The following NCALD variants were observed in gnomAD, a reference collection of about 807,000 sequenced individuals.
NCALD encodes the protein neurocalcin delta, also known as neurocalcin-delta.
In NCALD, 10 loss-of-function variants were observed where a neutral mutation model predicts 18.6. That is an observed-to-expected ratio of 0.54 (90% CI 0.33 to 0.91). The LOEUF (loss-of-function observed/expected upper bound fraction) is 0.91. Among genes scored for constraint, NCALD ranks in the 40% least tolerant of loss-of-function variants. The pLI is 0.03. For synonymous variants in NCALD, 88 were observed against 87.4 expected (o/e 1.01, Z -0.04); for missense variants, 184 against 247.6 (o/e 0.74, Z 1.72).
At position 101,838,582 on chromosome 8, in the gene NCALD, A is replaced by G. The variant is rs1441379806; in HGVS notation, c.-20+48559T>C. Among the ~76,000 whole-genome samples the G allele has an allele frequency of 5.3e-5, 8 of 152,244 alleles. No individual in the cohort carries two copies. The South Asian group carries it at 6.2e-4, about 12-fold the overall frequency. On this transcript the variant is annotated intron_variant, in intron 4 of 6. Transcript: ENST00000311028. ...AGAAACAGAAAACAGGGGTTTTCTA[A>G]GAAGTTCACAGTAAATAATCTGAAA...
At position 101,819,006 on chromosome 8, in the gene NCALD, A is replaced by AAAAT. The variant is rs543728327; in HGVS notation, c.-20+68131_-20+68134dup. On this transcript the variant is annotated intron_variant, in intron 4 of 6. Transcript: ENST00000311028. ...GCAACAGAGTGAGACTCCATCTCAA[A>AAAAT]AAATAAATAAATAAATAAAAATAAG... is the stretch of plus-strand genomic sequence containing the variant. Among the ~76,000 whole-genome samples the AAAAT allele has an allele frequency of 6.1e-3, 934 of 152,228 alleles. 11 individuals carry two copies. Among genetic ancestry groups the AAAAT allele is most frequent in the African/African-American group, 0.018 (761 of 41,528 alleles).
At chr8:102,082,940 C>T (rs1824601437) in intron 1 of NCALD, among the ~76,000 whole-genome samples, 1 of 152,212 alleles carries the variant, frequency 6.6e-6, no homozygotes, top group South Asian at 2.1e-4. Flanking sequence ...AATAATGCAA[C>T]AGAGAGCTCA....
At chr8:101,948,143 T>C (rs541292375) in intron 2 of NCALD, among the ~76,000 whole-genome samples, 7 of 152,344 alleles carry the variant, frequency 4.6e-5, no homozygotes, top group African/African-American at 1.2e-4. Context: ...CAATGTGAGA[T>C]AACTACTGAG....
intron 4 of NCALD, among the ~76,000 whole-genome samples, chr8:101,854,378 A>C (rs766380585): frequency 1.3e-5 from 2 of 152,146 alleles, no homozygotes; most frequent in Non-Finnish European, 2.9e-5. Context: ...TTGCAACCTA[A>C]GACAGCAAAC....
intron 4 of NCALD, among the ~76,000 whole-genome samples, chr8:101,808,922 A>G (rs1282055462): frequency 1.3e-5 from 2 of 152,092 alleles, no homozygotes; most frequent in African/African-American, 4.8e-5. Context: ...AGAGAGGGAG[A>G]GACATAAAGA....
intron 2 of NCALD, among the ~76,000 whole-genome samples, chr8:101,697,228 T>C (rs1815038942): frequency 6.6e-6 from 1 of 151,936 alleles, no homozygotes; most frequent in Non-Finnish European, 1.5e-5. Context: ...ACATACACCC[T>C]CCCAAGACTA....
chr8:101,975,748 G>A (rs1175630915), intron 2 of NCALD, among the ~76,000 whole-genome samples: 2 of 152,182 alleles, frequency 1.3e-5, no homozygotes, highest in Non-Finnish European at 1.5e-5. Flanking sequence ...ATTTTAATAT[G>A]GGATTTTCAC....
rs190638972 is a variant in NCALD at position 101,697,122 on chromosome 8, G to A, written c.379-4226C>T. Among the ~76,000 whole-genome samples the A allele has an allele frequency of 8.1e-4, 123 of 151,756 alleles. No homozygotes were observed. The Middle Eastern group carries it at 0.021, about 26-fold the overall frequency. On this transcript the variant is annotated intron_variant, in intron 2 of 3. Transcript: ENST00000220931. ...AAATGATAAAGGGTATATCACCACC[G>A]ACACCACAGAAATATAAACTATCAT... is the stretch of plus-strand genomic sequence containing the variant.
chr8:101,768,175 G>T (rs946022434), intron 1 of NCALD, among the ~76,000 whole-genome samples: 4 of 152,172 alleles, frequency 2.6e-5, no homozygotes, highest in African/African-American at 9.7e-5. Context: ...ATTCTGAGTG[G>T]TGAGCTATAA....
chr8:101,736,783 C>T (rs1809938347), intron 1 of NCALD, among the ~76,000 whole-genome samples: 1 of 152,196 alleles, frequency 6.6e-6, no homozygotes, highest in Non-Finnish European at 1.5e-5. Context: ...AGCCCCACAG[C>T]AAATGGCCAT....
At chr8:101,842,186 C>T (rs1045404515) in intron 4 of NCALD, among the ~76,000 whole-genome samples, 2 of 152,258 alleles carry the variant, frequency 1.3e-5, no homozygotes, top group Middle Eastern at 3.4e-3. Flanking sequence ...GGATACGAGT[C>T]ATACTGGATT....
At chr8:101,855,065 G>A (rs1017529969) in intron 4 of NCALD, among the ~76,000 whole-genome samples, 3 of 152,212 alleles carry the variant, frequency 2.0e-5, no homozygotes, top group South Asian at 2.1e-4. Flanking sequence ...GAAGAGGAGC[G>A]GAGGGAGGAA....
intron 3 of NCALD, among the ~76,000 whole-genome samples, chr8:101,903,245 G>A (rs2131575868): frequency 6.7e-6 from 1 of 148,784 alleles, no homozygotes. Context: ...TCACCAGGCT[G>A]GAGTGCAGTG....
At chr8:102,005,008 G>A (rs372734555) in intron 2 of NCALD, among the ~76,000 whole-genome samples, 6 of 152,108 alleles carry the variant, frequency 3.9e-5, no homozygotes, top group South Asian at 2.1e-4. Context: ...AGCAATGGCA[G>A]CAAAAGCCAA....
chr8:101,966,418 T>C (rs1471919314), intron 2 of NCALD, among the ~76,000 whole-genome samples: 1 of 137,492 alleles, frequency 7.3e-6, no homozygotes, highest in Non-Finnish European at 1.5e-5. Flanking sequence ...CACTCATAGG[T>C]GAGAATTGAA....
intron 2 of NCALD, among the ~76,000 whole-genome samples, chr8:101,962,384 C>T (rs942674762): frequency 1.3e-5 from 2 of 152,220 alleles, no homozygotes; most frequent in African/African-American, 2.4e-5. Context: ...TTCCATTCAG[C>T]TTGCTTTCAT....
At chr8:101,914,362 T>A (rs1045300250) in intron 3 of NCALD, among the ~76,000 whole-genome samples, 2 of 152,196 alleles carry the variant, frequency 1.3e-5, no homozygotes, top group Non-Finnish European at 2.9e-5. Flanking sequence ...ATGTCAAGGG[T>A]ACCTACTACC....
At chr8:102,004,651 A>G (rs1821623062) in intron 2 of NCALD, among the ~76,000 whole-genome samples, 1 of 152,160 alleles carries the variant, frequency 6.6e-6, no homozygotes, top group African/African-American at 2.4e-5. Context: ...TACAGTAACC[A>G]AAACAGCATG....
intron 2 of NCALD, among the ~76,000 whole-genome samples, chr8:101,929,466 A>G (rs1189473882): frequency 0.016 from 444 of 27,680 alleles, 13 homozygotes; most frequent in African/African-American, 0.073. Flanking sequence ...AGGAAGGAAG[A>G]AAAGAAGGAA....
Sources: allele counts gnomAD v4.1 joint callset (sites outside exome capture counted in the v4.1 genomes callset), GRCh38; gene constraint gnomAD v4.1.1; transcripts MANE v1.5; gene names NCBI Gene and HGNC (gene_info 2026-07-23, HGNC 2026-07-21).